Variants in PADI1 observed in about 807,000 individuals in gnomAD.
PADI1 encodes peptidyl arginine deiminase 1, also known as protein-arginine deiminase type-1.
PADI1 carries 65 observed loss-of-function variants against 74.8 expected under a neutral mutation model. That is an observed-to-expected ratio of 0.87 (90% CI 0.71 to 1.07). The LOEUF (loss-of-function observed/expected upper bound fraction) is 1.07. Ranked by LOEUF, PADI1 falls within the 50% of genes least tolerant of loss-of-function variation. The pLI, the probability that PADI1 is intolerant of heterozygous loss-of-function variation, is 0.00. For synonymous variants in PADI1, 371 were observed against 336.2 expected (o/e 1.10, Z -1.13); for missense variants, 943 against 854.0 (o/e 1.10, Z -1.30).
In PADI1 at chr1:17,225,608, G is replaced by A. The variant is rs539340021; in HGVS notation, c.409-203G>A. ...TAGAGCCATTGTGTATGGTTGTGCA[G>A]GTTGCTCACTGCACAAGGATGAGGT... is the stretch of plus-strand genomic sequence containing the variant. On this transcript the variant is annotated intron_variant, in intron 4 of 15. Coordinates refer to ENST00000375471, the MANE Select transcript of PADI1 (RefSeq NM_013358.3). 5.9e-5 allele frequency among the ~76,000 whole-genome samples: 9 copies of A among 152,288 alleles called. No individual in the cohort carries two copies. The South Asian group carries it at 1.7e-3, about 28-fold the overall frequency.
intron 1 of PADI1, among the ~76,000 whole-genome samples, chr1:17,211,383 G>A (rs1326169990): frequency 6.6e-6 from 1 of 151,822 alleles, no homozygotes; most frequent in Non-Finnish European, 1.5e-5. Flanking sequence ...TACTATGTAG[G>A]CCAGGCTGGT....
chr1:17,214,180 A>G (rs1455369513), intron 1 of PADI1, among the ~76,000 whole-genome samples: 1 of 152,200 alleles, frequency 6.6e-6, no homozygotes, highest in Non-Finnish European at 1.5e-5. Context: ...CCAACAGTCT[A>G]GGAAGTAGCT....
chr1:17,242,568 C>A (rs956887694), intron 15 of PADI1, among the ~76,000 whole-genome samples: 2 of 152,242 alleles, frequency 1.3e-5, no homozygotes, highest in South Asian at 2.1e-4. Flanking sequence ...TGCCGGAAGC[C>A]CCTGACTGTG....
At chr1:17,206,979 C>A (rs948777364) in intron 1 of PADI1, among the ~76,000 whole-genome samples, 1 of 152,178 alleles carries the variant, frequency 6.6e-6, no homozygotes, top group East Asian at 1.9e-4. Flanking sequence ...CCGTACCTGG[C>A]CACTAAAGCT....
At chr1:17,234,691 C>A (rs751538931) in intron 11 of PADI1, among the ~76,000 whole-genome samples, 23 of 152,180 alleles carry the variant, frequency 1.5e-4, no homozygotes, top group Non-Finnish European at 1.5e-4. Flanking sequence ...ATGGAGACTT[C>A]CTATAGGCCA....
rs762187386 is a variant in PADI1, at chr1:17,226,079, C to A, written c.573C>A (p.Asp191Glu). The change falls in exon 6 of 16, where the codon GAC becomes GAA. Residue 191 changes from aspartate (D) to glutamate (E), a missense_variant. Physicochemically the swap from Asp to Glu is conservative, Grantham distance 45. Transcript: ENST00000375471. Reference protein sequence around the residue: ...SPMLLSCNGPDKLFDSHKLVL... With the variant: ...SPMLLSCNGPEKLFDSHKLVL... ...TGCTGCTGAGCTGCAATGGCCCCGA[C>A]AAGCTCTTCGACAGCCACAAGCTTG... is the stretch of plus-strand genomic sequence containing the variant. The A allele has an allele frequency of 6.2e-7, 1 of 1,614,206 alleles. No homozygotes were observed. The highest frequency in any genetic ancestry group is 1.7e-5 in the Admixed American group (1 of 60,032).
intron 3 of PADI1, among the ~76,000 whole-genome samples, chr1:17,224,131 G>C (rs1339996243): frequency 6.6e-6 from 1 of 152,238 alleles, no homozygotes; most frequent in Non-Finnish European, 1.5e-5. Context: ...CCAAGAGCTA[G>C]CAGGTGGACA....
rs143489722 is a variant in PADI1 at position 17,214,880 on chromosome 1, G to A, written c.93-7410G>A. 1.9e-3 allele frequency among the ~76,000 whole-genome samples: 296 copies of A among 152,358 alleles called. 1 individual carries two copies. The highest frequency in any genetic ancestry group is 4.6e-3 in the Admixed American group (70 of 15,306). On this transcript the variant is annotated intron_variant, in intron 1 of 15. Coordinates refer to ENST00000375471, the MANE Select transcript of PADI1 (RefSeq NM_013358.3). Reference sequence around the variant, plus strand: ...GCCAAGGGAATGAGAATCAAAGGCAGCGCAGGGCTCACCCGGCATAACCTG... The same window carrying A: ...GCCAAGGGAATGAGAATCAAAGGCAACGCAGGGCTCACCCGGCATAACCTG...
chr1:17,210,374 T>C (rs944961542), intron 1 of PADI1, among the ~76,000 whole-genome samples: 5 of 152,032 alleles, frequency 3.3e-5, no homozygotes, highest in South Asian at 2.1e-4. Flanking sequence ...AATGCGGACA[T>C]GCTTTGGGGA....
chr1:17,227,542 TAAA>T (rs1264835024), intron 6 of PADI1, among the ~76,000 whole-genome samples: 1 of 107,942 alleles, frequency 9.3e-6, no homozygotes, highest in African/African-American at 3.0e-5. Context: ...AATAAATAAA[TAAA>T]TAAATAAATA....
At position 17,227,308 on chromosome 1, in the gene PADI1, G is replaced by A. The variant is rs568271881; in HGVS notation, c.652+1150G>A. On this transcript the variant is annotated intron_variant, in intron 6 of 15. Transcript: ENST00000375471. ...CATGCCTATAATTCCAGCACTTTGG[G>A]AGGCCAAGGCGGGAGGATCACTTGA... 5.2e-3 allele frequency among the ~76,000 whole-genome samples: 791 copies of A among 151,596 alleles called. 4 individuals are homozygous for A. The highest frequency in any genetic ancestry group is 8.7e-3 in the Non-Finnish European group (588 of 67,954).
At chr1:17,243,561 G>A (rs1300423830) in intron 15 of PADI1, among the ~76,000 whole-genome samples, 1 of 152,352 alleles carries the variant, frequency 6.6e-6, no homozygotes. Context: ...GCCAAAGACA[G>A]TTAAGCAAGC....
At chr1:17,223,802 C>A (rs2072233043) in intron 3 of PADI1, 109 bp downstream of exon 3, 1 of 889,248 alleles carries the variant, frequency 1.1e-6, no homozygotes, top group African/African-American at 1.6e-5. Flanking sequence ...CAGCTTCCTC[C>A]ATCACTGAGG....
intron 10 of PADI1, 93 bp from the exon 11 acceptor site, chr1:17,232,726 C>A (rs2072521386): frequency 1.8e-6 from 2 of 1,125,652 alleles, no homozygotes; most frequent in African/African-American, 3.2e-5. Flanking sequence ...AGTGGGAGAC[C>A]CCCAGCAACT....
At chr1:17,228,450 A>G (rs1380845326) in intron 6 of PADI1, among the ~76,000 whole-genome samples, 175 bp from the exon 7 acceptor site, 4 of 152,250 alleles carry the variant, frequency 2.6e-5, no homozygotes, top group African/African-American at 9.6e-5. Flanking sequence ...TACAGATAAG[A>G]AACTGAGGCT....
In PADI1 at chr1:17,228,564, C is replaced by G. The variant is rs551535178; in HGVS notation, c.653-61C>G. On this transcript the variant is annotated intron_variant, in intron 6 of 15. Coordinates refer to ENST00000375471, the MANE Select transcript of PADI1 (RefSeq NM_013358.3). Reference sequence around the variant, plus strand: ...CACAAAGGGGGCTCTGTCCTGGATTCCTGGGCTTGCAGCCCCTCACCCCTG... The same window carrying G: ...CACAAAGGGGGCTCTGTCCTGGATTGCTGGGCTTGCAGCCCCTCACCCCTG... 45 of 1,573,776 alleles carry G rather than the reference C, an allele frequency of 2.9e-5. No individual in the cohort carries two copies. In the African/African-American group the frequency reaches 4.6e-4, roughly 16 times the overall value.
At position 17,232,991 on chromosome 1, in the gene PADI1, G is replaced by A. The variant is rs1334364855; in HGVS notation, c.1313+21G>A. Reference sequence around the variant, plus strand: ...CCCAAGTGAGGGGCTGGGGCGGGAGGTGGGGAGGCACAAGGGAATGACTGC... The same window carrying A: ...CCCAAGTGAGGGGCTGGGGCGGGAGATGGGGAGGCACAAGGGAATGACTGC... On this transcript the variant is annotated intron_variant, in intron 11 of 15. Coordinates refer to ENST00000375471, the MANE Select transcript of PADI1 (RefSeq NM_013358.3). 8.2e-6 allele frequency: 13 copies of A among 1,580,882 alleles called. No individual in the cohort carries two copies. In the South Asian group the frequency reaches 1.4e-4, roughly 17 times the overall value.
At chr1:17,223,126 C>A (rs982916525) in intron 2 of PADI1, among the ~76,000 whole-genome samples, 3 of 152,190 alleles carry the variant, frequency 2.0e-5, no homozygotes, top group African/African-American at 7.2e-5. Flanking sequence ...CTCCTGTCGA[C>A]TGGGGCCATC....
At chr1:17,229,980 C>T (rs1388665663) in intron 8 of PADI1, 105 bp from the exon 9 acceptor site, 4 of 1,090,136 alleles carry the variant, frequency 3.7e-6, no homozygotes, top group Non-Finnish European at 5.3e-6. Context: ...ACTGGAACCC[C>T]TGTACCCCAG....
Sources: allele counts gnomAD v4.1 joint callset (sites outside exome capture counted in the v4.1 genomes callset), GRCh38; gene constraint gnomAD v4.1.1; transcripts MANE v1.5; gene names NCBI Gene and HGNC (gene_info 2026-07-23, HGNC 2026-07-21).